Variants in LMOD1 observed in about 807,000 individuals in gnomAD.
LMOD1 encodes leiomodin 1.
In LMOD1, 8 loss-of-function variants were observed where a neutral mutation model predicts 36.5. That is an observed-to-expected ratio of 0.22 (90% CI 0.13 to 0.40). The LOEUF (loss-of-function observed/expected upper bound fraction) is 0.40. Among genes scored for constraint, LMOD1 ranks in the 10% least tolerant of loss-of-function variants. The pLI, the probability that LMOD1 is intolerant of heterozygous loss-of-function variation, is 1.00. For missense variants in LMOD1, 630 were observed against 751.1 expected, an observed-to-expected ratio of 0.84 and a Z score of 1.88; for synonymous variants, 284 against 288.7, an observed-to-expected ratio of 0.98 and a Z score of 0.17.
intron 1 of LMOD1, among the ~76,000 whole-genome samples, chr1:201,916,013 C>T (rs972173975): frequency 4.6e-5 from 7 of 151,918 alleles, no homozygotes; most frequent in African/African-American, 1.5e-4. Flanking sequence ...TGACTTCCTC[C>T]AGCTTGTGAT....
intron 1 of LMOD1, among the ~76,000 whole-genome samples, chr1:201,919,147 C>T (rs986878671): frequency 2.6e-5 from 4 of 151,950 alleles, no homozygotes; most frequent in African/African-American, 9.7e-5. Context: ...GCCTTGGCCT[C>T]ACTTTTGCTG....
chr1:201,944,188 C>T (rs1682165332), intron 1 of LMOD1, among the ~76,000 whole-genome samples: 1 of 152,198 alleles, frequency 6.6e-6, no homozygotes, highest in Non-Finnish European at 1.5e-5. Context: ...ACTTCTATTT[C>T]TTGACTCGGG....
rs1312113925 is a variant in LMOD1, at chr1:201,898,303, T to C, written c.*69A>G. On this transcript the variant is annotated 3_prime_UTR_variant, in exon 3 of 3. Coordinates refer to ENST00000367288, the MANE Select transcript of LMOD1 (RefSeq NM_012134.3). Reference sequence around the variant, plus strand: ...TCAGCCAGGGATGGGGTGGGCAGGGTCTGTGTAGCCCTGGGAGGTGAGGCC... The same window carrying C: ...TCAGCCAGGGATGGGGTGGGCAGGGCCTGTGTAGCCCTGGGAGGTGAGGCC... The C allele has an allele frequency of 3.3e-6, 5 of 1,527,506 alleles. No homozygotes were observed. In the Admixed American group the frequency reaches 7.2e-5, roughly 22 times the overall value. 94.6% of individuals were successfully genotyped at this position (1,527,506 alleles called of 1,614,324 possible). A position where few individuals can be genotyped will look rare whatever the true frequency, so the allele number is the denominator to read the frequency against.
At chr1:201,940,309 C>T (rs1206099072) in intron 1 of LMOD1, among the ~76,000 whole-genome samples, 3 of 151,510 alleles carry the variant, frequency 2.0e-5, no homozygotes, top group Non-Finnish European at 4.4e-5. Context: ...GCCTCAGCCT[C>T]CCGAGCAGCT....
Position 201,898,003 on chromosome 1 carries a change from G to A in LMOD1, c.*369C>T, listed in dbSNP as rs977076184. 1.3e-5 allele frequency: 3 copies of A among 229,464 alleles called. No homozygotes were observed. The East Asian group carries it at 3.1e-4, about 23-fold the overall frequency. 14.2% of individuals were successfully genotyped at this position (229,464 alleles called of 1,614,324 possible). ...GCCTGAATCCTGGCCCTGGAGGGCAGTGGGGCTGGGGTGGATGTGGTCCCT... is the reference window on the plus strand; with the variant it reads ...GCCTGAATCCTGGCCCTGGAGGGCAATGGGGCTGGGGTGGATGTGGTCCCT... On this transcript the variant is annotated 3_prime_UTR_variant, in exon 3 of 3. Coordinates refer to ENST00000367288, the MANE Select transcript of LMOD1 (RefSeq NM_012134.3).
chr1:201,925,229 A>T (rs529682387), intron 1 of LMOD1, among the ~76,000 whole-genome samples: 15 of 152,240 alleles, frequency 9.9e-5, no homozygotes, highest in African/African-American at 3.6e-4. Context: ...AAAAGAAAAA[A>T]AAAAAGATCT....
chr1:201,925,345 A>G lies in LMOD1; in HGVS notation c.261+20735T>C, dbSNP rs376646702. On this transcript the variant is annotated intron_variant, in intron 1 of 2. Coordinates refer to ENST00000367288, the MANE Select transcript of LMOD1 (RefSeq NM_012134.3). The stretch of plus-strand genomic sequence containing the variant: ...ACCTTATAAGGCTGAAGCAAGGATC[A>G]AAAGAGATAACGTATGTGGAAGCCC... Among the ~76,000 whole-genome samples the G allele has an allele frequency of 4.6e-5, 7 of 152,378 alleles. No individual in the cohort carries two copies. In the South Asian group the frequency reaches 1.2e-3, roughly 27 times the overall value.
At chr1:201,935,972 G>A (rs1395352951) in intron 1 of LMOD1, among the ~76,000 whole-genome samples, 7 of 151,136 alleles carry the variant, frequency 4.6e-5, no homozygotes, top group Non-Finnish European at 1.0e-4. Context: ...AAAATTAGCC[G>A]GGCGTGGTGG....
At chr1:201,936,799 G>A (rs1423994699) in intron 1 of LMOD1, among the ~76,000 whole-genome samples, 1 of 152,122 alleles carries the variant, frequency 6.6e-6, no homozygotes, top group Non-Finnish European at 1.5e-5. Context: ...AATTAGCTGG[G>A]TGTGGTGGCA....
At chr1:201,923,904 G>A (rs191698927) in intron 1 of LMOD1, among the ~76,000 whole-genome samples, 1,505 of 109,044 alleles carry the variant, frequency 0.014, 34 homozygotes, top group African/African-American at 0.048. Context: ...AGAGAGAGAG[G>A]GAGGGAGAGA....
chr1:201,900,285 C>A lies in LMOD1; in HGVS notation c.728G>T (p.Gly243Val). ...RKEGEKMKRA[G>V]GNTDMKKEDE... ...CTCCTTTTTCATGTCTGTGTTCCCA[C>A]CTGCTCTTTTCATCTTCTCACCCTC... Residue 243 changes from glycine to valine, a missense_variant, in exon 2 of 3, where the codon GGT (glycine) becomes GTT (valine). Physicochemically the swap from Gly to Val is moderately radical, Grantham distance 109. Transcript: ENST00000367288. 6.2e-7 allele frequency: 1 copy of A among 1,610,856 alleles called. No homozygotes were observed. The highest frequency in any genetic ancestry group is 2.2e-5 in the East Asian group (1 of 44,844).
chr1:201,931,588 AAG>A (rs1681923736), intron 1 of LMOD1, among the ~76,000 whole-genome samples: 1 of 151,940 alleles, frequency 6.6e-6, no homozygotes, highest in Non-Finnish European at 1.5e-5. Context: ...AAGGGAGAGA[AAG>A]GCGAAAACTT....
At chr1:201,918,480 G>A (rs983025327) in intron 1 of LMOD1, among the ~76,000 whole-genome samples, 4 of 152,208 alleles carry the variant, frequency 2.6e-5, no homozygotes, top group African/African-American at 9.6e-5. Flanking sequence ...GCCTGTGCCT[G>A]CCTCTGTGCG....
At chr1:201,920,043 CTCTT>C (rs1558238869) in intron 1 of LMOD1, among the ~76,000 whole-genome samples, 3 of 116,678 alleles carry the variant, frequency 2.6e-5, no homozygotes, top group Non-Finnish European at 3.4e-5. Flanking sequence ...CTGGCTCTCT[CTCTT>C]TTTTTTTTTT....
chr1:201,900,514 C>T lies in LMOD1; in HGVS notation c.499G>A (p.Val167Met), dbSNP rs775016412. ...TCCTTCCCTGCCTCCTTCTTATCCACTGCAGCCCTGACCCGGCCCTTGTCA... is the reference window on the plus strand; with the variant it reads ...TCCTTCCCTGCCTCCTTCTTATCCATTGCAGCCCTGACCCGGCCCTTGTCA... ...GIDKGRVRAA[V>M]DKKEAGKDGR... Residue 167 changes from valine (V) to methionine (M), a missense_variant, in exon 2 of 3, where the codon GTG (valine) becomes ATG (methionine). Transcript: ENST00000367288. 1.5e-5 allele frequency: 25 copies of T among 1,613,792 alleles called. No individual in the cohort carries two copies. Among genetic ancestry groups the T allele is most frequent in the Middle Eastern group, 1.6e-4 (1 of 6,084 alleles).
At position 201,900,459 on chromosome 1, in the gene LMOD1, G is replaced by T. The variant is rs746986599; in HGVS notation, c.554C>A (p.Thr185Asn). Reference protein sequence around the residue: ...DGRGEERAVATKKEEEKKGSD... With the variant: ...DGRGEERAVANKKEEEKKGSD... ...CCCTTTCTTCTCCTCTTCCTTCTTG[G>T]TGGCCACTGCCCTCTCCTCTCCTCT... The change falls in exon 2 of 3, where the codon ACC becomes AAC. Residue 185 changes from threonine (T) to asparagine (N), a missense_variant. Transcript: ENST00000367288. The T allele has an allele frequency of 1.2e-6, 2 of 1,606,786 alleles. No homozygotes were observed. Among genetic ancestry groups the T allele is most frequent in the Admixed American group, 3.4e-5 (2 of 58,734 alleles).
intron 1 of LMOD1, among the ~76,000 whole-genome samples, chr1:201,940,149 T>C (rs750319529): frequency 7.3e-5 from 11 of 151,120 alleles, no homozygotes; most frequent in Admixed American, 2.0e-4. Flanking sequence ...CCATCTGTCC[T>C]GCCTCCCTCT....
chr1:201,896,577 C>T lies in LMOD1; in HGVS notation c.*1795G>A, dbSNP rs1243637687. The T allele has an allele frequency of 2.2e-6, 1 of 456,774 alleles. No homozygotes were observed. Among genetic ancestry groups the T allele is most frequent in the East Asian group, 6.9e-5 (1 of 14,400 alleles). The allele number at this position is 456,774 out of a possible 1,614,324, so 28.3% of individuals were successfully genotyped here. A position where few individuals can be genotyped will look rare whatever the true frequency, so the allele number is the denominator to read the frequency against. ...CACAGAGTTGAAGGATCAGCTGAAG[C>T]AACCTAAAGCATCTAGCTAGTGCCC... On this transcript the variant is annotated 3_prime_UTR_variant, in exon 3 of 3. Transcript: ENST00000367288.
chr1:201,941,475 C>T (rs951231910), intron 1 of LMOD1, among the ~76,000 whole-genome samples: 1 of 152,190 alleles, frequency 6.6e-6, no homozygotes, highest in African/African-American at 2.4e-5. Context: ...CCCGTCACCT[C>T]TTCTGCCCTC....
Sources: gnomAD v4.1 joint callset for allele counts (sites outside exome capture counted in the v4.1 genomes callset) on GRCh38, gnomAD v4.1.1 for gene constraint, MANE v1.5 for transcripts, NCBI Gene and HGNC (gene_info 2026-07-23, HGNC 2026-07-21) for gene names.